The following ATAD2B variants were observed in gnomAD, a reference collection of about 807,000 sequenced individuals.
The protein encoded by ATAD2B is ATPase family AAA domain containing 2B, also known as ATPase family AAA domain-containing protein 2B.
In ATAD2B, 40 loss-of-function variants were observed where a neutral mutation model predicts 167.6. The observed-to-expected ratio is 0.24, with a 90% CI of 0.19 to 0.31. ATAD2B has a LOEUF of 0.31. Among genes scored for constraint, ATAD2B ranks in the 10% least tolerant of loss-of-function variants. The probability of loss-of-function intolerance (pLI) is 1.00; values close to 1 mark genes in which losing one functional copy is unlikely to be tolerated. For missense variants in ATAD2B, 1,242 were observed against 1,757.2 expected, an observed-to-expected ratio of 0.71 and a Z score of 5.24; for synonymous variants, 579 against 596.5, an observed-to-expected ratio of 0.97 and a Z score of 0.43.
At chr2:23,704,690 C>A in the ATAD2B span, among the ~76,000 whole-genome samples, 7 of 152,200 alleles carry the variant, frequency 4.6e-5, no homozygotes, top group Admixed American at 2.0e-4. Flanking sequence ...TCGCTTGAAC[C>A]CGGGAGGCGG....
chr2:23,682,458 C>CA, the ATAD2B span, among the ~76,000 whole-genome samples: 2 of 152,204 alleles, frequency 1.3e-5, no homozygotes, highest in Non-Finnish European at 2.9e-5. This position sits in a 1 kb window ranked among gnomAD's most constrained non-coding sequence, Gnocchi z 4.1. Context: ...CCTCCCAAGC[C>CA]ACTCCCCATC....
chr2:23,900,909 G>A (rs2150408913), intron 1 of ATAD2B: 1 of 152,664 alleles, frequency 6.6e-6, no homozygotes, highest in East Asian at 1.9e-4. Context: ...ACAATCTTAA[G>A]AATCCTTAAG....
chr2:23,828,884 T>C lies in ATAD2B; in HGVS notation c.1784A>G (p.Asp595Gly), dbSNP rs186283496. The C allele has an allele frequency of 3.1e-6, 5 of 1,611,218 alleles. No homozygotes were observed. In the Admixed American group the frequency reaches 6.7e-5, roughly 22 times the overall value. ...HTRDWNPKLSDAFLGELAEKC... is the reference protein window; with the variant it reads ...HTRDWNPKLSGAFLGELAEKC... Reference sequence around the variant, plus strand: ...TTCAGCCAATTCACCTAAAAATGCATCTGACAATTTTGGATTCCAGTCCCT... The same window carrying C: ...TTCAGCCAATTCACCTAAAAATGCACCTGACAATTTTGGATTCCAGTCCCT... Residue 595 changes from aspartate (D) to glycine (G), a missense_variant, in exon 15 of 28, where the codon GAT (aspartate) becomes GGT (glycine). Asp to Gly is a moderately conservative substitution (Grantham distance 94). Coordinates refer to ENST00000238789, the MANE Select transcript of ATAD2B (RefSeq NM_017552.4).
chr2:23,684,513 T>G, the ATAD2B span: 1 of 1,549,712 alleles, frequency 6.5e-7, no homozygotes, highest in Non-Finnish European at 8.7e-7. The surrounding 1 kb of genome is among the most constrained non-coding windows in gnomAD (Gnocchi z 4.4). Flanking sequence ...TCCTGCAGCT[T>G]GTATTTCAAG....
At chr2:23,817,530 C>T (rs188795513) in intron 17 of ATAD2B, among the ~76,000 whole-genome samples, 4 of 152,282 alleles carry the variant, frequency 2.6e-5, no homozygotes, top group Admixed American at 2.6e-4. Context: ...ATTAGTTCTG[C>T]TTTCACAGCA....
At chr2:23,924,853 A>G (rs181097876) in intron 1 of ATAD2B, among the ~76,000 whole-genome samples, 5 of 152,192 alleles carry the variant, frequency 3.3e-5, no homozygotes, top group African/African-American at 7.2e-5. Flanking sequence ...TAACATCTCT[A>G]TAACAGCTGC....
chr2:23,691,902 C>G, the ATAD2B span: 1 of 1,543,662 alleles, frequency 6.5e-7, no homozygotes, highest in South Asian at 1.2e-5. Context: ...ACATATGTCG[C>G]TTGGGGGGAA....
intron 19 of ATAD2B, among the ~76,000 whole-genome samples, chr2:23,790,851 A>C (rs190277305): frequency 2.0e-5 from 3 of 152,302 alleles, no homozygotes; most frequent in Admixed American, 2.0e-4. Flanking sequence ...TTCTGAAAAA[A>C]CAGTTCAATA....
At chr2:23,870,714 C>T (rs543056464) in intron 8 of ATAD2B, among the ~76,000 whole-genome samples, 12 of 150,604 alleles carry the variant, frequency 8.0e-5, no homozygotes, top group African/African-American at 2.7e-4. Flanking sequence ...TAGTCACAGT[C>T]CAGACATTTA....
chr2:23,917,737 G>A (rs1169952675), intron 1 of ATAD2B, among the ~76,000 whole-genome samples: 2 of 151,910 alleles, frequency 1.3e-5, no homozygotes, highest in East Asian at 1.9e-4. Context: ...AACCAGCCTG[G>A]GCAACATAGT....
the ATAD2B span, among the ~76,000 whole-genome samples, chr2:23,729,562 T>C: frequency 6.6e-6 from 1 of 152,190 alleles, no homozygotes; most frequent in Non-Finnish European, 1.5e-5. Flanking sequence ...ATATCCATTC[T>C]GTTTTATGGA....
At chr2:23,745,192 C>T (rs111384164), downstream of ATAD2B, among the ~76,000 whole-genome samples, 148 of 152,154 alleles carry the variant, frequency 9.7e-4, no homozygotes, top group African/African-American at 3.5e-3. Flanking sequence ...GAGGCTGAGG[C>T]AGGAGAATCG....
chr2:23,875,901 G>C lies in ATAD2B; in HGVS notation c.905C>G (p.Pro302Arg), dbSNP rs1696748891. The change falls in exon 8 of 28, where the codon CCA becomes CGA. Residue 302 changes from proline (P) to arginine (R), a missense_variant. This residue lies in a region of ATAD2B where 127 missense variants were observed against 146.3 expected (regional missense o/e 0.87). Transcript: ENST00000238789. Reference sequence around the variant, plus strand: ...GTTTTCCCTCTTTTTTTGATGAGCTGGTACTAAAAGGGAAGAAAAGGATAA... The same window carrying C: ...GTTTTCCCTCTTTTTTTGATGAGCTCGTACTAAAAGGGAAGAAAAGGATAA... ...VDRYQAPPIV[P>R]AHQKKRENTL... 1 of 1,595,488 alleles carries C rather than the reference G, an allele frequency of 6.3e-7. No homozygotes were observed. Among genetic ancestry groups the C allele is most frequent in the African/African-American group, 1.3e-5 (1 of 74,536 alleles).
At chr2:23,845,239 T>C (rs567284158) in intron 13 of ATAD2B, among the ~76,000 whole-genome samples, 26 of 152,248 alleles carry the variant, frequency 1.7e-4, no homozygotes, top group Admixed American at 5.9e-4. Context: ...ATAAAAAATA[T>C]ATGTTCTACA....
At chr2:23,698,880 C>T in the ATAD2B span, among the ~76,000 whole-genome samples, 6 of 152,152 alleles carry the variant, frequency 3.9e-5, no homozygotes, top group African/African-American at 1.2e-4. Flanking sequence ...GCATTTGGTG[C>T]GATGTGCCAT....
chr2:23,761,052 C>T (rs1162733734), intron 24 of ATAD2B, among the ~76,000 whole-genome samples: 1 of 152,106 alleles, frequency 6.6e-6, no homozygotes, highest in East Asian at 1.9e-4. Flanking sequence ...AGTGAATAGT[C>T]AATGTATTTT....
At chr2:23,825,647 T>C (rs922063268) in intron 15 of ATAD2B, among the ~76,000 whole-genome samples, 2 of 152,162 alleles carry the variant, frequency 1.3e-5, no homozygotes, top group Admixed American at 6.5e-5. Context: ...TCCGAGGAAA[T>C]AGGAATATAC....
At chr2:23,831,237 AT>A (rs1314246272) in intron 14 of ATAD2B, among the ~76,000 whole-genome samples, 1 of 152,218 alleles carries the variant, frequency 6.6e-6, no homozygotes, top group East Asian at 1.9e-4. Context: ...ACACATACAA[AT>A]ATATATTACT....
intron 22 of ATAD2B, among the ~76,000 whole-genome samples, chr2:23,781,535 G>A (rs1356916934): frequency 6.6e-6 from 1 of 151,570 alleles, no homozygotes; most frequent in African/African-American, 2.4e-5. Flanking sequence ...CGTGGTGGCA[G>A]GTGCCTGAAA....
Sources: gnomAD v4.1 joint callset for allele counts (sites outside exome capture counted in the v4.1 genomes callset) on GRCh38, gnomAD v4.1.1 for gene constraint, gnomAD v4.1.1 regional missense constraint, Gnocchi (gnomAD v3.1) non-coding constraint, MANE v1.5 for transcripts, NCBI Gene and HGNC (gene_info 2026-07-23, HGNC 2026-07-21) for gene names.